SLIT3: variants seen among roughly 807,000 people sequenced by gnomAD.
SLIT3 encodes slit guidance ligand 3, also known as slit homolog 3 protein.
A neutral mutation model predicts 184.0 loss-of-function variants in SLIT3; 68 were observed. The ratio of observed to expected loss-of-function variants is 0.37; its 90% CI spans 0.30 to 0.45. The LOEUF (loss-of-function observed/expected upper bound fraction) is 0.45, where lower values mean the gene tolerates loss of function less well. Among genes scored for constraint, SLIT3 ranks in the 20% least tolerant of loss-of-function variants. The pLI, the probability that SLIT3 is intolerant of heterozygous loss-of-function variation, is 1.00. For missense variants in SLIT3, 1,707 were observed against 2,026.0 expected (o/e 0.84, Z 3.02); for synonymous variants, 831 against 828.6 (o/e 1.00, Z -0.05).
intron 12 of SLIT3, among the ~76,000 whole-genome samples, chr5:168,777,224 T>C (rs937308752): frequency 2.4e-4 from 37 of 152,076 alleles, no homozygotes; most frequent in Non-Finnish European, 4.9e-4. Context: ...CCCCTTTAGA[T>C]AGGACATATG....
intron 4 of SLIT3, among the ~76,000 whole-genome samples, chr5:169,176,905 A>T (rs1763004741): frequency 6.6e-6 from 1 of 152,190 alleles, no homozygotes; most frequent in African/African-American, 2.4e-5. Flanking sequence ...CCCTCTTAGA[A>T]ATCCACCTCG....
intron 1 of SLIT3, among the ~76,000 whole-genome samples, chr5:169,293,790 C>A (rs1767424031): frequency 6.6e-6 from 1 of 152,142 alleles, no homozygotes; most frequent in African/African-American, 2.4e-5. Context: ...TTCACTGTAT[C>A]AAACATGGTA....
chr5:168,992,477 G>A (rs909372017), intron 4 of SLIT3, among the ~76,000 whole-genome samples: 13 of 152,186 alleles, frequency 8.5e-5, no homozygotes, highest in Admixed American at 5.9e-4. Context: ...TTTTTGTCTT[G>A]TAAATAGAAT....
chr5:169,251,140 C>T (rs889099551), intron 2 of SLIT3, among the ~76,000 whole-genome samples: 1 of 152,202 alleles, frequency 6.6e-6, no homozygotes, highest in African/African-American at 2.4e-5. Context: ...TTTATTTGTT[C>T]ATAGCCTTCC....
At position 168,729,935 on chromosome 5, in the gene SLIT3, G is replaced by A. The variant is rs575049202; in HGVS notation, c.2271-5451C>T. Reference sequence around the variant, plus strand: ...TCTTAAAGATACAGATTGTCAGAATGGATAAAGAAACATGATCCAACTATA... The same window carrying A: ...TCTTAAAGATACAGATTGTCAGAATAGATAAAGAAACATGATCCAACTATA... On this transcript the variant is annotated intron_variant, in intron 20 of 35. Transcript: ENST00000519560. Among the ~76,000 whole-genome samples the A allele has an allele frequency of 3.9e-4, 59 of 152,072 alleles. 1 individual carries two copies. Among genetic ancestry groups the A allele is most frequent in the African/African-American group, 1.4e-3 (58 of 41,526 alleles).
chr5:169,001,338 A>G (rs552425684), intron 4 of SLIT3, among the ~76,000 whole-genome samples: 1 of 152,328 alleles, frequency 6.6e-6, no homozygotes, highest in East Asian at 1.9e-4. Context: ...AACTTTTCCT[A>G]CTAAGTACTT....
At chr5:169,163,891 G>A (rs959055974) in intron 4 of SLIT3, among the ~76,000 whole-genome samples, 5 of 152,050 alleles carry the variant, frequency 3.3e-5, no homozygotes, top group Admixed American at 6.6e-5. Context: ...TCAAACTTTT[G>A]CCCCATTCGT....
intron 4 of SLIT3, among the ~76,000 whole-genome samples, chr5:169,014,546 C>A (rs947735659): frequency 6.6e-6 from 1 of 152,236 alleles, no homozygotes; most frequent in African/African-American, 2.4e-5. Context: ...GACACACACA[C>A]TTTCCTTCGC....
intron 4 of SLIT3, among the ~76,000 whole-genome samples, chr5:169,166,310 T>G (rs1762636962): frequency 6.6e-6 from 1 of 152,164 alleles, no homozygotes; most frequent in Non-Finnish European, 1.5e-5. Context: ...TGGTGAATTA[T>G]TCTCTCAACG....
chr5:168,814,360 C>T (rs1314897393), intron 8 of SLIT3, among the ~76,000 whole-genome samples: 1 of 151,974 alleles, frequency 6.6e-6, no homozygotes, highest in African/African-American at 2.4e-5. Flanking sequence ...ACTGCCATTG[C>T]ACTCCAGCCT....
At position 169,209,843 on chromosome 5, in the gene SLIT3, T is replaced by G. The variant is rs571574077; in HGVS notation, c.342-16293A>C. On this transcript the variant is annotated intron_variant, in intron 3 of 35. Coordinates refer to ENST00000519560, the MANE Select transcript of SLIT3 (RefSeq NM_003062.4). ...ATAGCATTAAGAGAAATACCCAATGTAGAAGATGGTTTGACGGGGTGCAGC... is the reference window on the plus strand; with the variant it reads ...ATAGCATTAAGAGAAATACCCAATGGAGAAGATGGTTTGACGGGGTGCAGC... 4.1e-4 allele frequency among the ~76,000 whole-genome samples: 62 copies of G among 152,108 alleles called. 1 individual carries two copies. Among genetic ancestry groups the G allele is most frequent in the Non-Finnish European group, 7.5e-4 (51 of 68,020 alleles).
intron 4 of SLIT3, among the ~76,000 whole-genome samples, chr5:169,122,494 G>T (rs1267881094): frequency 6.6e-6 from 1 of 152,102 alleles, no homozygotes; most frequent in East Asian, 1.9e-4. Flanking sequence ...GGAGCCATTT[G>T]GTTCCATCAC....
Position 168,941,299 on chromosome 5 carries a change from G to C in SLIT3, c.414-57963C>G, listed in dbSNP as rs1052082677. Among the ~76,000 whole-genome samples the C allele has an allele frequency of 5.9e-5, 9 of 152,184 alleles. 1 individual carries two copies. The highest frequency in any genetic ancestry group is 1.2e-4 in the Non-Finnish European group (8 of 68,034). ...CATCCATCTCTCGGCAGGAAGAACA[G>C]CAGAATCGAAGTCAGAGCTGAGTTC... On this transcript the variant is annotated intron_variant, in intron 4 of 35. Coordinates refer to ENST00000519560, the MANE Select transcript of SLIT3 (RefSeq NM_003062.4).
intron 4 of SLIT3, among the ~76,000 whole-genome samples, chr5:168,902,107 G>A (rs947462560): frequency 6.6e-6 from 1 of 152,150 alleles, no homozygotes; most frequent in Non-Finnish European, 1.5e-5. Context: ...GGCCAGTATG[G>A]TCTTGATCTC....
chr5:169,269,535 C>T (rs1326594713), intron 1 of SLIT3, among the ~76,000 whole-genome samples: 6 of 152,360 alleles, frequency 3.9e-5, no homozygotes, highest in South Asian at 2.1e-4. Context: ...ATACCCTCTC[C>T]CATGGATCAA....
chr5:169,288,728 T>G (rs1245245911), intron 1 of SLIT3, among the ~76,000 whole-genome samples: 1 of 152,204 alleles, frequency 6.6e-6, no homozygotes, highest in Non-Finnish European at 1.5e-5. Context: ...TCTTGGACAC[T>G]GTCACTTATT....
intron 4 of SLIT3, among the ~76,000 whole-genome samples, chr5:168,990,840 A>G (rs1755296728): frequency 6.6e-6 from 1 of 152,188 alleles, no homozygotes; most frequent in South Asian, 2.1e-4. Flanking sequence ...AAAACCCAAT[A>G]ACATTATGTT....
intron 4 of SLIT3, among the ~76,000 whole-genome samples, chr5:169,155,613 C>CT (rs1222765733): frequency 6.6e-6 from 1 of 152,170 alleles, no homozygotes; most frequent in African/African-American, 2.4e-5. Flanking sequence ...GTCTATGCTT[C>CT]TGGGTAACCT....
chr5:169,171,822 A>G (rs1762829687), intron 4 of SLIT3, among the ~76,000 whole-genome samples: 1 of 152,200 alleles, frequency 6.6e-6, no homozygotes. Context: ...GGGATGTTGG[A>G]TTCAGAAAGA....
Sources: allele counts gnomAD v4.1 joint callset (sites outside exome capture counted in the v4.1 genomes callset), GRCh38; gene constraint gnomAD v4.1.1; transcripts MANE v1.5; gene names NCBI Gene and HGNC (gene_info 2026-07-23, HGNC 2026-07-21).